Variants in FBN2 observed in about 807,000 individuals in gnomAD.
FBN2 encodes the protein fibrillin-2.
FBN2 carries 105 observed loss-of-function variants against 355.6 expected under a neutral mutation model. The ratio of observed to expected loss-of-function variants is 0.30; its 90% confidence interval spans 0.25 to 0.35. The LOEUF is 0.35. FBN2 is among the 10% of genes least tolerant of loss of function. The pLI, the probability that FBN2 is intolerant of heterozygous loss-of-function variation, is 1.00. For synonymous variants in FBN2, 1,350 were observed against 1,301.2 expected (o/e 1.04, Z -0.81); for missense variants, 3,280 against 3,758.7 (o/e 0.87, Z 3.33).
At chr5:128,487,378 A>T (rs561208456) in intron 5 of FBN2, among the ~76,000 whole-genome samples, 6 of 152,310 alleles carry the variant, frequency 3.9e-5, no homozygotes, top group Admixed American at 6.5e-5. Context: ...GGTTGTTATG[A>T]TAGCATAACC....
chr5:128,493,286 C>T (rs1030566911), intron 5 of FBN2, among the ~76,000 whole-genome samples: 2 of 151,932 alleles, frequency 1.3e-5, no homozygotes, highest in Non-Finnish European at 2.9e-5. Context: ...GGGTGAAAAG[C>T]GAAGGTGTAT....
rs7731176 is a variant in FBN2, at chr5:128,452,725, T to C, written c.827-6119A>G. On this transcript the variant is annotated intron_variant, in intron 6 of 64. Coordinates refer to ENST00000262464, the MANE Select transcript of FBN2 (RefSeq NM_001999.4). ...TTAATTTTTTTACATTGAACTTGCT[T>C]TTTCTTTTCAATTTTTATGGTTTCG... Among the ~76,000 whole-genome samples the C allele has an allele frequency of 5.2e-4, 79 of 152,142 alleles. 1 individual carries two copies. The highest frequency in any genetic ancestry group is 1.7e-3 in the African/African-American group (71 of 41,484).
intron 34 of FBN2, 53 bp from the exon 35 acceptor site, chr5:128,319,054 TTAATGTAATGTC>T: frequency 7.0e-7 from 1 of 1,423,948 alleles, no homozygotes; most frequent in Non-Finnish European, 9.9e-7. Context: ...TTTTAAAATT[TTAATGTAATGTC>T]TAACATTAGC....
intron 5 of FBN2, among the ~76,000 whole-genome samples, chr5:128,497,275 T>C (rs1236953265): frequency 1.3e-5 from 2 of 152,178 alleles, no homozygotes; most frequent in Non-Finnish European, 2.9e-5. Flanking sequence ...CATGTGGATG[T>C]ACCATGGATG....
At chr5:128,372,518 G>T (rs754960813) in intron 15 of FBN2, among the ~76,000 whole-genome samples, 20 of 151,920 alleles carry the variant, frequency 1.3e-4, no homozygotes, top group Admixed American at 6.6e-5. Flanking sequence ...TTGAGACAGG[G>T]TCTCACTCTG....
chr5:128,453,757 G>A (rs779198763), intron 6 of FBN2, among the ~76,000 whole-genome samples: 1 of 152,024 alleles, frequency 6.6e-6, no homozygotes, highest in South Asian at 2.1e-4. Context: ...AAACGTGTTG[G>A]TTTGAAACTT....
intron 33 of FBN2, among the ~76,000 whole-genome samples, chr5:128,329,511 C>A (rs913921231): frequency 6.6e-6 from 1 of 152,116 alleles, no homozygotes; most frequent in Non-Finnish European, 1.5e-5. Flanking sequence ...GAGGAAGAAC[C>A]TGTGGCTAAG....
At chr5:128,330,831 C>A in intron 32 of FBN2, 136 bp from the exon 33 acceptor site, 1 of 984,868 alleles carries the variant, frequency 1.0e-6, no homozygotes, top group Non-Finnish European at 1.5e-6. Flanking sequence ...AGTTCTAATT[C>A]GCTAAGCTCT....
chr5:128,515,380 A>G (rs538784018), intron 5 of FBN2, among the ~76,000 whole-genome samples: 1 of 152,300 alleles, frequency 6.6e-6, no homozygotes, highest in African/African-American at 2.4e-5. Flanking sequence ...ATTAGACTAT[A>G]TGGGATCTTA....
chr5:128,496,073 G>C (rs1048397374), intron 5 of FBN2, among the ~76,000 whole-genome samples: 2 of 152,032 alleles, frequency 1.3e-5, no homozygotes, highest in Non-Finnish European at 2.9e-5. Context: ...GAAAGGCCCA[G>C]GCCCAGATGG....
chr5:128,260,263 A>G (rs1357907489), intron 64 of FBN2, among the ~76,000 whole-genome samples: 1 of 152,130 alleles, frequency 6.6e-6, no homozygotes, highest in Non-Finnish European at 1.5e-5. Flanking sequence ...GCCCAGGGGA[A>G]TCTTCTGTCT....
chr5:128,350,510 C>T (rs1751322281), intron 21 of FBN2, among the ~76,000 whole-genome samples: 1 of 152,134 alleles, frequency 6.6e-6, no homozygotes, highest in African/African-American at 2.4e-5. Context: ...GAGGTCACGC[C>T]ACTGCACTCC....
intron 25 of FBN2, among the ~76,000 whole-genome samples, chr5:128,340,300 GA>G: frequency 6.6e-6 from 1 of 152,290 alleles, no homozygotes; most frequent in East Asian, 1.9e-4. Flanking sequence ...GTTCTCTTGA[GA>G]GGGGGGTCTC....
Position 128,333,663 on chromosome 5 carries a change from C to T in FBN2, c.4100-629G>A, listed in dbSNP as rs377323856. Among the ~76,000 whole-genome samples, 11 of 151,846 alleles carry T rather than the reference C, an allele frequency of 7.2e-5. 1 individual carries two copies. Among genetic ancestry groups the T allele is most frequent in the South Asian group, 4.2e-4 (2 of 4,790 alleles). ...TATCTGGAAAGTAGCCAGATGCTTT[C>T]GCCAGTGTGTGTGTGTGCGTGTGTG... On this transcript the variant is annotated intron_variant, in intron 31 of 64. Transcript: ENST00000262464.
intron 62 of FBN2, among the ~76,000 whole-genome samples, chr5:128,271,568 A>G (rs1228268868): frequency 6.6e-6 from 1 of 152,144 alleles, no homozygotes. Flanking sequence ...TATTAAATCT[A>G]TGTGACAGGA....
chr5:128,304,909 T>A, intron 45 of FBN2, 48 bp downstream of exon 45: 1 of 1,613,196 alleles, frequency 6.2e-7, no homozygotes, highest in Non-Finnish European at 8.5e-7. Context: ...TGATCTGTTC[T>A]GGAACCCCAG....
At chr5:128,293,122 C>T (rs1749375194) in intron 48 of FBN2, among the ~76,000 whole-genome samples, 2 of 152,106 alleles carry the variant, frequency 1.3e-5, no homozygotes, top group Admixed American at 1.3e-4. Flanking sequence ...GTACACATAT[C>T]TATGTCTGTG....
At position 128,302,849 on chromosome 5, in the gene FBN2, T is replaced by A. The variant is rs1749756719; in HGVS notation, c.5917+124A>T. 18 of 720,828 alleles carry A rather than the reference T, an allele frequency of 2.5e-5. No homozygotes were observed. In the South Asian group the frequency reaches 2.6e-4, roughly 11 times the overall value. The allele number at this position is 720,828 out of a possible 1,614,324, so 44.7% of individuals were successfully genotyped here. On this transcript the variant is annotated intron_variant, in intron 46 of 64. Transcript: ENST00000262464. Reference sequence around the variant, plus strand: ...AGAAACCAGTCAATGAAATTATATATCTTTTGGCACATATTTGCAATTTTA... The same window carrying A: ...AGAAACCAGTCAATGAAATTATATAACTTTTGGCACATATTTGCAATTTTA...
chr5:128,496,685 T>G (rs547533446), intron 5 of FBN2, among the ~76,000 whole-genome samples: 40 of 152,074 alleles, frequency 2.6e-4, no homozygotes, highest in African/African-American at 9.2e-4. Flanking sequence ...AGAAAAAGCA[T>G]CCATGTTGGA....
Sources: allele counts gnomAD v4.1 joint callset (sites outside exome capture counted in the v4.1 genomes callset), GRCh38; gene constraint gnomAD v4.1.1; transcripts MANE v1.5; gene names NCBI Gene and HGNC (gene_info 2026-07-23, HGNC 2026-07-21).